IZUMO2: variants seen among roughly 807,000 people sequenced by gnomAD.
IZUMO2 encodes izumo sperm-egg fusion protein 2.
In IZUMO2, 24 loss-of-function variants were observed where a neutral mutation model predicts 31.2. The observed-to-expected ratio is 0.77, with a 90% CI of 0.56 to 1.08. The LOEUF (loss-of-function observed/expected upper bound fraction) is 1.08, where lower values mean the gene tolerates loss of function less well. Ranked by LOEUF, IZUMO2 falls within the 50% of genes least tolerant of loss-of-function variation. The pLI is 0.00. For synonymous variants in IZUMO2, 144 were observed against 117.3 expected (o/e 1.23, Z -1.47); for missense variants, 278 against 274.0 (o/e 1.01, Z -0.10).
chr19:50,162,530 G>A (rs895695469), intron 2 of IZUMO2, among the ~76,000 whole-genome samples: 1 of 152,084 alleles, frequency 6.6e-6, no homozygotes, highest in African/African-American at 2.4e-5. Context: ...CGGCAGGATC[G>A]CTGGAGCCCT....
At chr19:50,153,190 G>A (rs962247250) in intron 6 of IZUMO2, among the ~76,000 whole-genome samples, 1 of 152,160 alleles carries the variant, frequency 6.6e-6, no homozygotes, top group Non-Finnish European at 1.5e-5. Flanking sequence ...TGAAGACAGA[G>A]GAAGGGATTA....
intron 2 of IZUMO2, 80 bp downstream of exon 2, chr19:50,162,656 CTTA>C: frequency 8.4e-7 from 1 of 1,187,180 alleles, no homozygotes; most frequent in Non-Finnish European, 1.3e-6. Flanking sequence ...CGTGTTTGCT[CTTA>C]TTTTTATATT....
intron 1 of IZUMO2, 40 bp downstream of exon 1, chr19:50,162,923 C>A: frequency 6.2e-7 from 1 of 1,610,236 alleles, no homozygotes; most frequent in Non-Finnish European, 8.5e-7. Context: ...CTCCGGCATC[C>A]CTCGCCCAGC....
In IZUMO2 at chr19:50,162,730, C is replaced by T. The variant is rs2030441400; in HGVS notation, c.307+9G>A. On this transcript the variant is annotated intron_variant, in intron 2 of 6. Transcript: ENST00000293405. ...GGTGCTGGAGAAGGCGTTCCCTCGT[C>T]TCTCCTACCTTTCAGAGAGTTACCC... 6.2e-7 allele frequency: 1 copy of T among 1,611,730 alleles called. No homozygotes were observed. Among genetic ancestry groups the T allele is most frequent in the African/African-American group, 1.3e-5 (1 of 75,022 alleles).
rs2030422600 is a variant in IZUMO2, at chr19:50,162,197, C to T, written c.307+542G>A. Reference sequence around the variant, plus strand: ...ACTCGGGAGGCTGAGGCAGGAAAATCGCTTGAACCCGGCAGGCGGAAGCTC... The same window carrying T: ...ACTCGGGAGGCTGAGGCAGGAAAATTGCTTGAACCCGGCAGGCGGAAGCTC... On this transcript the variant is annotated intron_variant, in intron 2 of 6. Transcript: ENST00000293405. 2.6e-5 allele frequency among the ~76,000 whole-genome samples: 4 copies of T among 152,162 alleles called. No individual in the cohort carries two copies. The South Asian group carries it at 8.3e-4, about 32-fold the overall frequency.
intron 4 of IZUMO2, 98 bp from the exon 5 acceptor site, chr19:50,158,446 G>T: frequency 1.4e-6 from 1 of 711,264 alleles, no homozygotes; most frequent in Non-Finnish European, 2.3e-6. Context: ...GGGTCCCTTG[G>T]CTTCTCCTAA....
Position 50,159,285 on chromosome 19 carries a change from G to A in IZUMO2, c.395-35C>T, listed in dbSNP as rs1398001707. The A allele has an allele frequency of 4.4e-6, 7 of 1,606,468 alleles. No homozygotes were observed. The Admixed American group carries it at 8.5e-5, about 20-fold the overall frequency. ...AAAATTGCTGAGGTGAGTTAAATTG[G>A]GATGGCAACTTGATAATTTAATTGG... On this transcript the variant is annotated intron_variant, in intron 3 of 6. Transcript: ENST00000293405.
chr19:50,159,715 G>T, intron 2 of IZUMO2, 135 bp from the exon 3 acceptor site: 1 of 623,882 alleles, frequency 1.6e-6, no homozygotes, highest in Non-Finnish European at 2.9e-6. Context: ...ATTACTAAGG[G>T]TCCCCCAGGC....
At chr19:50,153,086 G>C (rs1371594677) in intron 6 of IZUMO2, among the ~76,000 whole-genome samples, 1 of 152,186 alleles carries the variant, frequency 6.6e-6, no homozygotes, top group Admixed American at 6.5e-5. Flanking sequence ...AAGGTGACAT[G>C]AGATTTAGGA....
chr19:50,154,731 G>A lies in IZUMO2; in HGVS notation c.497-5C>T, dbSNP rs750917578. On this transcript the variant is annotated splice_region_variant and splice_polypyrimidine_tract_variant and intron_variant, in intron 5 of 6. Transcript: ENST00000293405. ...CCACGCGGGGTTGCCGGTCGACTGG[G>A]GCGGGTGGGGAAACAGCCCCGACCT... 6.2e-7 allele frequency: 1 copy of A among 1,613,420 alleles called. No individual in the cohort carries two copies. The highest frequency in any genetic ancestry group is 1.1e-5 in the South Asian group (1 of 91,062).
In IZUMO2 at chr19:50,162,779, G is replaced by A; in HGVS notation, c.267C>T (p.Val89=). 1 of 1,613,968 alleles carries A rather than the reference G, an allele frequency of 6.2e-7. No individual in the cohort carries two copies. Among genetic ancestry groups the A allele is most frequent in the Non-Finnish European group, 8.5e-7 (1 of 1,180,004 alleles). Residue 89 remains valine (V), a synonymous_variant, in exon 2 of 7, where the codon GTC becomes GTT. Transcript: ENST00000293405. The part of the protein sequence containing the change: ...TNQLDLVASF[V]KNQTQHLMGN... ...CCATTAAGTGCTGCGTTTGGTTCTT[G>A]ACAAAGGACGCCACAAGGTCCAGTT...
intron 2 of IZUMO2, among the ~76,000 whole-genome samples, chr19:50,162,042 G>C (rs1391445428): frequency 6.6e-6 from 1 of 152,166 alleles, no homozygotes. Context: ...CAGCACTTTG[G>C]GAGGCCTAGG....
rs753255659 is a variant in IZUMO2, at chr19:50,162,816, G to T, written c.233-3C>A. The stretch of plus-strand genomic sequence containing the variant: ...CACAAGGTCCAGTTGATTTGTCTCT[G>T]GGGGGAGAAGGGAGAGGACACTCCA... On this transcript the variant is annotated splice_region_variant and splice_polypyrimidine_tract_variant and intron_variant, in intron 1 of 6. Coordinates refer to ENST00000293405, the MANE Select transcript of IZUMO2 (RefSeq NM_152358.3). 44 of 1,612,970 alleles carry T rather than the reference G, an allele frequency of 2.7e-5. No individual in the cohort carries two copies. The highest frequency in any genetic ancestry group is 4.4e-5 in the South Asian group (4 of 91,032).
At position 50,162,846 on chromosome 19, in the gene IZUMO2, G is replaced by GC. The variant is rs751224502; in HGVS notation, c.233-34dup. ...GAGAAGGGAGAGGACACTCCAGTGA[G>GC]CCCCCCAGAGAGCCAAGTGACCTCA... On this transcript the variant is annotated intron_variant, in intron 1 of 6. Transcript: ENST00000293405. The GC allele has an allele frequency of 9.5e-5, 152 of 1,606,096 alleles. No homozygotes were observed. The African/African-American group carries it at 1.8e-3, about 19-fold the overall frequency.
chr19:50,153,310 A>G (rs1335794029), intron 6 of IZUMO2, among the ~76,000 whole-genome samples: 6 of 152,204 alleles, frequency 3.9e-5, no homozygotes, highest in Non-Finnish European at 8.8e-5. Context: ...TCTTGATTTC[A>G]GACTTCTGCT....
chr19:50,159,270 A>G lies in IZUMO2; in HGVS notation c.395-20T>C. ...TGCAGGCTGCAAGAGAAAATTGCTG[A>G]GGTGAGTTAAATTGGGATGGCAACT... On this transcript the variant is annotated intron_variant, in intron 3 of 6. Transcript: ENST00000293405. 1 of 1,609,856 alleles carries G rather than the reference A, an allele frequency of 6.2e-7. No homozygotes were observed. Among genetic ancestry groups the G allele is most frequent in the Non-Finnish European group, 8.5e-7 (1 of 1,178,652 alleles).
At chr19:50,162,701 G>T in intron 2 of IZUMO2, 38 bp downstream of exon 2, 1 of 1,526,470 alleles carries the variant, frequency 6.6e-7, no homozygotes, top group Non-Finnish European at 9.1e-7. Context: ...GCGGAAAGAA[G>T]AGGGGTGCTG....
chr19:50,154,488 T>C, intron 6 of IZUMO2, 112 bp downstream of exon 6: 1 of 1,004,386 alleles, frequency 1.0e-6, no homozygotes, highest in Non-Finnish European at 1.5e-6. Context: ...GAGACTAAAG[T>C]GACTGAAGAG....
Position 50,163,250 on chromosome 19 carries a change from A to G in IZUMO2, c.-56T>C. The G allele has an allele frequency of 7.2e-7, 1 of 1,390,438 alleles. No individual in the cohort carries two copies. The highest frequency in any genetic ancestry group is 9.9e-7 in the Non-Finnish European group (1 of 1,014,040). The allele number at this position is 1,390,438 out of a possible 1,614,324, so 86.1% of individuals were successfully genotyped here. On this transcript the variant is annotated 5_prime_UTR_variant, in exon 1 of 7. Coordinates refer to ENST00000293405, the MANE Select transcript of IZUMO2 (RefSeq NM_152358.3). The stretch of plus-strand genomic sequence containing the variant: ...CCCGGCCCGCCCCGCCTCCCAGGCG[A>G]GGGCGCGGTCAGGAGGCCCAGGGAG...
Sources: allele counts gnomAD v4.1 joint callset (sites outside exome capture counted in the v4.1 genomes callset), GRCh38; gene constraint gnomAD v4.1.1; transcripts MANE v1.5; gene names NCBI Gene and HGNC (gene_info 2026-07-23, HGNC 2026-07-21).